TTC3: variants seen among roughly 807,000 people sequenced by gnomAD.
TTC3 encodes the protein E3 ubiquitin-protein ligase TTC3.
A neutral mutation model predicts 249.6 loss-of-function variants in TTC3; 180 were observed. The observed-to-expected ratio is 0.72, with a 90% CI of 0.64 to 0.82. The LOEUF is 0.82. TTC3 is among the 40% of genes least tolerant of loss of function. The pLI, the probability that TTC3 is intolerant of heterozygous loss-of-function variation, is 0.00. For missense variants in TTC3, 2,061 were observed against 2,398.4 expected (o/e 0.86, Z 2.94); for synonymous variants, 717 against 805.0 (o/e 0.89, Z 1.85).
chr21:37,091,183 C>A, intron 6 of TTC3, 110 bp from the exon 7 acceptor site: 2 of 1,169,414 alleles, frequency 1.7e-6, no homozygotes, highest in South Asian at 1.4e-5. Context: ...GTGGTTGTAC[C>A]AGTTTTGTAG....
At position 37,150,903 on chromosome 21, in the gene TTC3, A is replaced by C. The variant is rs757725434; in HGVS notation, c.2276+19A>C. On this transcript the variant is annotated intron_variant, in intron 25 of 45. Transcript: ENST00000355666. ...GTTCTAGGTAAGATTTTTAACAATC[A>C]ATCAGTGGTTTGATGATGTCTCTTA... 1 of 1,548,760 alleles carries C rather than the reference A, an allele frequency of 6.5e-7. No individual in the cohort carries two copies. The highest frequency in any genetic ancestry group is 8.9e-7 in the Non-Finnish European group (1 of 1,126,104).
chr21:37,156,384 A>C (rs1412866661), intron 27 of TTC3, among the ~76,000 whole-genome samples: 1 of 152,146 alleles, frequency 6.6e-6, no homozygotes, highest in Non-Finnish European at 1.5e-5. Context: ...TTCATCTCCT[A>C]GGTCTAATAA....
chr21:37,127,711 G>T (rs560161677), intron 15 of TTC3, among the ~76,000 whole-genome samples: 44 of 152,136 alleles, frequency 2.9e-4, no homozygotes, highest in African/African-American at 8.7e-4. Context: ...TGGGTGGTTG[G>T]TTTTTCTTTC....
intron 35 of TTC3, among the ~76,000 whole-genome samples, chr21:37,175,263 C>CAA (rs58424565): frequency 2.1e-3 from 110 of 53,218 alleles, no homozygotes; most frequent in East Asian, 3.2e-3. Context: ...GACTGTGTCT[C>CAA]AAAAAAAAAA....
chr21:37,124,428 C>T (rs1321303032), intron 13 of TTC3, among the ~76,000 whole-genome samples, 191 bp from the exon 14 acceptor site: 1 of 151,950 alleles, frequency 6.6e-6, no homozygotes, highest in African/African-American at 2.4e-5. Context: ...TTGACCTGTT[C>T]TTTATTATTT....
chr21:37,175,490 G>T (rs558481015), intron 35 of TTC3, among the ~76,000 whole-genome samples: 1 of 149,782 alleles, frequency 6.7e-6, no homozygotes, highest in African/African-American at 2.5e-5. Flanking sequence ...CCAGCTACTC[G>T]GGAGGCTGAG....
At chr21:37,162,266 T>A (rs1343645461) in intron 31 of TTC3, among the ~76,000 whole-genome samples, 12 of 152,224 alleles carry the variant, frequency 7.9e-5, no homozygotes, top group Admixed American at 7.9e-4. Context: ...ATTCAAACTG[T>A]GTTAAAGTCA....
chr21:37,086,553 G>A (rs370689855), intron 1 of TTC3: 7 of 151,730 alleles, frequency 4.6e-5, no homozygotes, highest in African/African-American at 1.7e-4. Context: ...TTTCCTTTTT[G>A]CGATTTAGCA....
chr21:37,188,948 T>G (rs1160913736), intron 39 of TTC3, among the ~76,000 whole-genome samples: 1 of 152,248 alleles, frequency 6.6e-6, no homozygotes, highest in African/African-American at 2.4e-5. Flanking sequence ...CATAGAAACA[T>G]GTCATGATTT....
At chr21:37,128,588 C>A (rs1437780109) in intron 15 of TTC3, among the ~76,000 whole-genome samples, 3 of 152,106 alleles carry the variant, frequency 2.0e-5, no homozygotes, top group African/African-American at 7.2e-5. Flanking sequence ...GTGATTTTTC[C>A]CTTTTGTGAG....
chr21:37,113,845 G>T (rs2075890050), intron 11 of TTC3, among the ~76,000 whole-genome samples: 1 of 152,114 alleles, frequency 6.6e-6, no homozygotes. Context: ...CAAAGATATA[G>T]ACCAATGGAA....
At chr21:37,128,449 A>AC (rs2077205913) in intron 15 of TTC3, among the ~76,000 whole-genome samples, 1 of 152,172 alleles carries the variant, frequency 6.6e-6, no homozygotes, top group East Asian at 1.9e-4. Context: ...ACACAGGTTT[A>AC]CTTAGTGCTT....
At chr21:37,190,115 T>C (rs903801456) in intron 39 of TTC3, among the ~76,000 whole-genome samples, 2 of 148,804 alleles carry the variant, frequency 1.3e-5, no homozygotes, top group African/African-American at 5.0e-5. Context: ...TTTTAGTGTA[T>C]AGTTCTTTTT....
intron 33 of TTC3, among the ~76,000 whole-genome samples, 178 bp downstream of exon 33, chr21:37,166,793 T>C (rs976188800): frequency 5.3e-5 from 8 of 152,350 alleles, no homozygotes; most frequent in Non-Finnish European, 1.0e-4. Context: ...ACAGGTAATC[T>C]TCTCAGAAAG....
At chr21:37,177,621 T>C (rs2082390211) in intron 35 of TTC3, among the ~76,000 whole-genome samples, 1 of 152,178 alleles carries the variant, frequency 6.6e-6, no homozygotes, top group Non-Finnish European at 1.5e-5. Context: ...TCCAAACCTT[T>C]TCCCAGTACC....
intron 10 of TTC3, among the ~76,000 whole-genome samples, chr21:37,101,592 A>T (rs1449124998): frequency 7.9e-5 from 12 of 152,178 alleles, no homozygotes; most frequent in Non-Finnish European, 1.8e-4. Context: ...CCATCCTCTG[A>T]TTCATCTCTT....
intron 16 of TTC3, among the ~76,000 whole-genome samples, chr21:37,132,335 CT>C (rs35828883): frequency 0.45 from 65,176 of 143,872 alleles, 15,564 homozygotes; most frequent in African/African-American, 0.62. Context: ...TATTTTTTTT[CT>C]TTTTTTTTTT....
chr21:37,197,148 T>G (rs1414936165), intron 42 of TTC3, among the ~76,000 whole-genome samples: 1 of 152,188 alleles, frequency 6.6e-6, no homozygotes, highest in African/African-American at 2.4e-5. Flanking sequence ...AAATTGAAAT[T>G]TGTAAACAAT....
chr21:37,159,182 GT>G (rs1476342009), intron 28 of TTC3, among the ~76,000 whole-genome samples: 8 of 152,068 alleles, frequency 5.3e-5, no homozygotes, highest in Non-Finnish European at 1.2e-4. Context: ...CACTCACGTA[GT>G]TCCCCCAGCC....
Sources: gnomAD v4.1 joint callset for allele counts (sites outside exome capture counted in the v4.1 genomes callset) on GRCh38, gnomAD v4.1.1 for gene constraint, MANE v1.5 for transcripts, NCBI Gene and HGNC (gene_info 2026-07-23, HGNC 2026-07-21) for gene names.